Variants in NAMPT observed in about 807,000 individuals in gnomAD.
NAMPT encodes the protein NAmPRTase.
In NAMPT, 7 loss-of-function variants were observed where a neutral mutation model predicts 58.7. The ratio of observed to expected loss-of-function variants is 0.12; its 90% CI spans 0.07 to 0.22. The LOEUF is 0.22. Ranked by LOEUF, NAMPT falls within the 10% of genes least tolerant of loss-of-function variation. The pLI, the probability that NAMPT is intolerant of heterozygous loss-of-function variation, is 1.00. For missense variants in NAMPT, 271 were observed against 567.9 expected, an observed-to-expected ratio of 0.48 and a Z score of 5.31; for synonymous variants, 145 against 198.1, an observed-to-expected ratio of 0.73 and a Z score of 2.25.
chr7:106,273,048 C>T lies in NAMPT; in HGVS notation c.319-390G>A, dbSNP rs7796610. On this transcript the variant is annotated intron_variant, in intron 3 of 10. Transcript: ENST00000222553. Reference sequence around the variant, plus strand: ...AAGAACACTACCTTTATTCTAAATTCGTTATTTTCACAAAATAAAGGCTGC... The same window carrying T: ...AAGAACACTACCTTTATTCTAAATTTGTTATTTTCACAAAATAAAGGCTGC... Among the ~76,000 whole-genome samples the T allele has an allele frequency of 2.9e-3, 434 of 152,162 alleles. 3 individuals carry two copies. Among genetic ancestry groups the T allele is most frequent in the African/African-American group, 0.01 (417 of 41,494 alleles).
At chr7:106,285,279 G>C, upstream of NAMPT, 1 of 727,124 alleles carries the variant, frequency 1.4e-6, no homozygotes, top group Non-Finnish European at 1.7e-6. Context: ...GGAAGCTGGA[G>C]GCAGCGGGGC....
At chr7:106,276,642 A>T (rs1432615141) in intron 2 of NAMPT, 2 of 191,612 alleles carry the variant, frequency 1.0e-5, no homozygotes, top group Non-Finnish European at 2.2e-5. Flanking sequence ...CGAGAGTTCA[A>T]GACCAGCCTG....
intron 10 of NAMPT, 103 bp downstream of exon 10, chr7:106,252,914 A>T: frequency 1.5e-6 from 2 of 1,373,476 alleles, no homozygotes; most frequent in Non-Finnish European, 2.0e-6. Context: ...AAAATATAAT[A>T]CTTTGTCTTC....
chr7:106,284,740 C>T, intron 1 of NAMPT, 88 bp downstream of exon 1: 1 of 882,292 alleles, frequency 1.1e-6, no homozygotes, highest in South Asian at 2.0e-5. Flanking sequence ...CAGCCCCAAC[C>T]CCAGCCCCAG....
intron 6 of NAMPT, among the ~76,000 whole-genome samples, chr7:106,266,518 A>G (rs1792413415): frequency 1.3e-5 from 2 of 152,352 alleles, no homozygotes; most frequent in African/African-American, 4.8e-5. Flanking sequence ...AGTTGTATGT[A>G]AAAGTGTTCA....
intron 6 of NAMPT, among the ~76,000 whole-genome samples, chr7:106,267,437 G>C (rs1301692156): frequency 1.3e-5 from 2 of 152,032 alleles, no homozygotes; most frequent in Non-Finnish European, 2.9e-5. Flanking sequence ...ACTCACTGCT[G>C]GTTTTAGCAC....
chr7:106,263,231 G>C, intron 7 of NAMPT, 161 bp downstream of exon 7: 1 of 617,754 alleles, frequency 1.6e-6, no homozygotes. Context: ...CTATTACTGT[G>C]TGACCTCAGG....
Position 106,251,018 on chromosome 7 carries a change from C to T in NAMPT, c.*65G>A, listed in dbSNP as rs10263784. ...GCTGTAATGTATCATAAAACACAAA[C>T]CCCACACATCTGTACAATAAACATT... is the stretch of plus-strand genomic sequence containing the variant. On this transcript the variant is annotated 3_prime_UTR_variant, in exon 11 of 11. Transcript: ENST00000222553. 2.6e-3 allele frequency: 3,141 copies of T among 1,229,322 alleles called. 65 individuals are homozygous for T. In the African/African-American group the frequency reaches 0.042, roughly 16 times the overall value. The allele number at this position is 1,229,322 out of a possible 1,614,324, so 76.2% of individuals were successfully genotyped here. A position where few individuals can be genotyped will look rare whatever the true frequency, so the allele number is the denominator to read the frequency against.
chr7:106,269,143 C>T lies in NAMPT; in HGVS notation c.606+11G>A, dbSNP rs759160970. The T allele has an allele frequency of 2.3e-5, 37 of 1,604,126 alleles. No homozygotes were observed. In the East Asian group the frequency reaches 8.3e-4, roughly 36 times the overall value. On this transcript the variant is annotated intron_variant, in intron 5 of 10. Coordinates refer to ENST00000222553, the MANE Select transcript of NAMPT (RefSeq NM_005746.3). The stretch of plus-strand genomic sequence containing the variant: ...ACATTATATTAAATGAGGTTGGTTT[C>T]AGTTACTTACCTCTTGGGAAGAGAC...
chr7:106,262,736 C>A (rs948275268), intron 7 of NAMPT, among the ~76,000 whole-genome samples: 2 of 152,088 alleles, frequency 1.3e-5, no homozygotes, highest in Non-Finnish European at 2.9e-5. Context: ...CCTTTTTAAG[C>A]CTCTGTTTTT....
rs748480195 is a variant in NAMPT at position 106,248,723 on chromosome 7, C to T, written c.*2360G>A. 44 of 152,110 alleles carry T rather than the reference C, an allele frequency of 2.9e-4. 1 individual carries two copies. Among genetic ancestry groups the T allele is most frequent in the Middle Eastern group, 3.4e-3 (1 of 294 alleles). The allele number at this position is 152,110 out of a possible 1,614,324, so 9.4% of individuals were successfully genotyped here. Reference sequence around the variant, plus strand: ...CAGTTGAAAATCTAATGACTTAAATCCATAAATGCCATTTGCTTTTGTCTG... The same window carrying T: ...CAGTTGAAAATCTAATGACTTAAATTCATAAATGCCATTTGCTTTTGTCTG... On this transcript the variant is annotated 3_prime_UTR_variant, in exon 11 of 11. Coordinates refer to ENST00000222553, the MANE Select transcript of NAMPT (RefSeq NM_005746.3).
intron 8 of NAMPT, among the ~76,000 whole-genome samples, chr7:106,257,922 T>C (rs1792233585): frequency 6.6e-6 from 1 of 152,138 alleles, no homozygotes; most frequent in Non-Finnish European, 1.5e-5. Flanking sequence ...TGTATACACG[T>C]AAGTGCTAAA....
intron 1 of NAMPT, 69 bp downstream of exon 1, chr7:106,284,759 G>A (rs1452595984): frequency 2.3e-5 from 3 of 128,444 alleles, no homozygotes; most frequent in Non-Finnish European, 3.5e-5. Flanking sequence ...AGCCGCCCCC[G>A]CCCCCCTGCC....
chr7:106,267,789 C>T (rs111434387), intron 6 of NAMPT, among the ~76,000 whole-genome samples: 155 of 125,952 alleles, frequency 1.2e-3, no homozygotes, highest in Middle Eastern at 5.0e-3. Context: ...TGCAGTGAGC[C>T]GAGATCCCGC....
At chr7:106,283,939 C>T (rs1562820873) in intron 1 of NAMPT, among the ~76,000 whole-genome samples, 1 of 152,166 alleles carries the variant, frequency 6.6e-6, no homozygotes, top group Non-Finnish European at 1.5e-5. Flanking sequence ...TTTACTTTAC[C>T]TCTTCCCTTC....
At chr7:106,280,187 G>C (rs1323987511) in intron 1 of NAMPT, among the ~76,000 whole-genome samples, 1 of 152,190 alleles carries the variant, frequency 6.6e-6, no homozygotes, top group East Asian at 1.9e-4. Context: ...GGGGCTATTA[G>C]GTTAGATGGG....
At chr7:106,274,799 G>A in intron 3 of NAMPT, 147 bp downstream of exon 3, 1 of 564,760 alleles carries the variant, frequency 1.8e-6, no homozygotes, top group South Asian at 2.0e-5. Flanking sequence ...AGGTTGCAGT[G>A]AGCCGAGATT....
chr7:106,285,220 G>T, upstream of NAMPT: 1 of 1,081,706 alleles, frequency 9.2e-7, no homozygotes, highest in Non-Finnish European at 1.1e-6. Flanking sequence ...GAGGCGGGGC[G>T]GGGAGGAGGA....
intron 9 of NAMPT, among the ~76,000 whole-genome samples, chr7:106,253,816 T>C (rs1424125564): frequency 6.6e-6 from 1 of 152,078 alleles, no homozygotes; most frequent in Non-Finnish European, 1.5e-5. Context: ...GGGAATCAAC[T>C]CAGGTGTTCT....
Sources: gnomAD v4.1 joint callset for allele counts (sites outside exome capture counted in the v4.1 genomes callset) on GRCh38, gnomAD v4.1.1 for gene constraint, MANE v1.5 for transcripts, NCBI Gene and HGNC (gene_info 2026-07-23, HGNC 2026-07-21) for gene names.